The following PRSS23 variants were observed in gnomAD, a reference collection of about 807,000 sequenced individuals.
PRSS23 encodes protease, serine 23.
In PRSS23, 25 loss-of-function variants were observed where a neutral mutation model predicts 34.7. That is an observed-to-expected ratio of 0.72 (90% confidence interval 0.53 to 1.01). The LOEUF (loss-of-function observed/expected upper bound fraction) is 1.01, where lower values mean the gene tolerates loss of function less well. Among genes scored for constraint, PRSS23 ranks in the 50% least tolerant of loss-of-function variants. The pLI is 0.00. For missense variants in PRSS23, 445 were observed against 475.6 expected, an observed-to-expected ratio of 0.94 and a Z score of 0.60; for synonymous variants, 176 against 186.6, an observed-to-expected ratio of 0.94 and a Z score of 0.46.
chr11:86,940,025 T>C (rs1949196667), intron 2 of PRSS23, among the ~76,000 whole-genome samples: 1 of 152,166 alleles, frequency 6.6e-6, no homozygotes, highest in Non-Finnish European at 1.5e-5. Context: ...AAACCTTTAC[T>C]ATGAAATTTG....
chr11:86,857,661 C>T lies in PRSS23; in HGVS notation c.206+34068C>T, dbSNP rs552474611. On this transcript the variant is annotated intron_variant, in intron 2 of 2. Coordinates refer to the PRSS23 transcript ENST00000533902. ...AGATGGCCACAAATCGGTCATAGGC[C>T]ATCAGAGTCAGGAGCATGTCTTCTA... 4 of 540,408 alleles carry T rather than the reference C, an allele frequency of 7.4e-6. No individual in the cohort carries two copies. The East Asian group carries it at 2.2e-4, about 29-fold the overall frequency. The allele number at this position is 540,408 out of a possible 1,614,324, so 33.5% of individuals were successfully genotyped here. A position where few individuals can be genotyped will look rare whatever the true frequency, so the allele number is the denominator to read the frequency against.
chr11:86,912,283 A>G (rs1948983264), intron 2 of PRSS23: 2 of 152,178 alleles, frequency 1.3e-5, no homozygotes, highest in African/African-American at 4.8e-5. Context: ...CCTATTGGAG[A>G]TTCATTAAAC....
intron 2 of PRSS23, among the ~76,000 whole-genome samples, chr11:86,843,640 A>G (rs1590890288): frequency 6.6e-6 from 1 of 152,284 alleles, no homozygotes; most frequent in Non-Finnish European, 1.5e-5. Flanking sequence ...GAAGACATTT[A>G]TGCAGCCAAC....
chr11:86,835,582 A>T (rs951503269), intron 2 of PRSS23, among the ~76,000 whole-genome samples: 1 of 152,158 alleles, frequency 6.6e-6, no homozygotes, highest in Non-Finnish European at 1.5e-5. Flanking sequence ...TGGTCTGGCT[A>T]TTTCGTCTTA....
At chr11:86,898,413 A>T (rs1948890712) in intron 2 of PRSS23, among the ~76,000 whole-genome samples, 1 of 152,200 alleles carries the variant, frequency 6.6e-6, no homozygotes, top group African/African-American at 2.4e-5. Flanking sequence ...AAGGATGCTA[A>T]ATATTAATGT....
At chr11:86,846,511 ATGG>A (rs1197200887) in intron 2 of PRSS23, among the ~76,000 whole-genome samples, 2 of 152,170 alleles carry the variant, frequency 1.3e-5, no homozygotes, top group East Asian at 3.9e-4. Context: ...TTTGCTTTCC[ATGG>A]TGGTTCTGAA....
intron 2 of PRSS23, among the ~76,000 whole-genome samples, chr11:86,829,100 G>T (rs1478323168): frequency 2.6e-5 from 4 of 152,194 alleles, no homozygotes; most frequent in Non-Finnish European, 5.9e-5. Context: ...TTCCAACTTG[G>T]TTCCATTCTC....
chr11:86,867,417 A>G (rs1055344626), intron 2 of PRSS23, among the ~76,000 whole-genome samples: 2 of 152,222 alleles, frequency 1.3e-5, no homozygotes, highest in African/African-American at 4.8e-5. Flanking sequence ...GTGTCTTAAG[A>G]ACAGAGTGTC....
At position 86,807,630 on chromosome 11, in the gene PRSS23, G is replaced by C; in HGVS notation, c.-13-1G>C. On this transcript the variant is annotated splice_acceptor_variant, in intron 1 of 1. Transcript: ENST00000280258. LOFTEE classifies it low-confidence loss of function (5UTR_SPLICE). ...TGACCTGCTTGTCTTTGTTTCTACAGAACAGTGCTCGGCATGGCAGGGATT... is the reference window on the plus strand; with the variant it reads ...TGACCTGCTTGTCTTTGTTTCTACACAACAGTGCTCGGCATGGCAGGGATT... 2 of 1,596,792 alleles carry C rather than the reference G, an allele frequency of 1.3e-6. No homozygotes were observed. The highest frequency in any genetic ancestry group is 1.1e-5 in the South Asian group (1 of 88,546).
chr11:86,877,860 A>AAT (rs1484578679), intron 2 of PRSS23, among the ~76,000 whole-genome samples: 1 of 150,606 alleles, frequency 6.6e-6, no homozygotes, highest in Non-Finnish European at 1.5e-5. Flanking sequence ...ATTTCTGCAA[A>AAT]AAAAAAAAAG....
chr11:86,939,192 G>A (rs1949184511), intron 2 of PRSS23: 1 of 317,022 alleles, frequency 3.2e-6, no homozygotes, highest in Non-Finnish European at 6.2e-6. Context: ...CTTAAGAAGT[G>A]CTTGTAAGGA....
intron 2 of PRSS23, among the ~76,000 whole-genome samples, chr11:86,847,286 G>A (rs997828640): frequency 6.6e-6 from 1 of 152,160 alleles, no homozygotes; most frequent in East Asian, 1.9e-4. Flanking sequence ...CATAAAGTGG[G>A]CCTTAGCATT....
chr11:86,861,590 T>A (rs1948615623), intron 2 of PRSS23, among the ~76,000 whole-genome samples: 1 of 151,770 alleles, frequency 6.6e-6, no homozygotes, highest in African/African-American at 2.4e-5. Flanking sequence ...CACCCTTCTG[T>A]GATATTGTTC....
chr11:86,847,173 A>G lies in PRSS23; in HGVS notation c.206+23580A>G, dbSNP rs193070232. On this transcript the variant is annotated intron_variant, in intron 2 of 2. Transcript: ENST00000533902. ...GCTAAAGTACAGCAGCTGTTCTCTC[A>G]GCCCTGGTCTGGAGGACATCCACCA... Among the ~76,000 whole-genome samples, 90 of 152,344 alleles carry G rather than the reference A, an allele frequency of 5.9e-4. 1 individual carries two copies. In the East Asian group the frequency reaches 8.7e-3, roughly 15 times the overall value.
In PRSS23 at chr11:86,823,433, G is replaced by GC. The variant is rs1948268897; in HGVS notation, c.51dup (p.Thr18HisfsTer20). The GC allele has an allele frequency of 2.8e-6, 2 of 702,210 alleles. No homozygotes were observed. The highest frequency in any genetic ancestry group is 5.2e-6 in the Non-Finnish European group (2 of 384,838). The allele number at this position is 702,210 out of a possible 1,614,324, so 43.5% of individuals were successfully genotyped here. ...GTGCCAACCCTGGCCTAGTCCTCAT[G>GC]CCCCCACAACTGTGAAGCGAGAGGG... On this transcript the variant is annotated frameshift_variant, in exon 2 of 3. Coordinates refer to the PRSS23 transcript ENST00000533902. LOFTEE classifies it high-confidence loss of function.
At chr11:86,799,745 G>A (rs1948007310), upstream of PRSS23, among the ~76,000 whole-genome samples, 1 of 151,726 alleles carries the variant, frequency 6.6e-6, no homozygotes, top group African/African-American at 2.4e-5. Context: ...GAGTGATTCA[G>A]GGAAGTAGGC....
At chr11:86,868,782 C>A (rs1039345912) in intron 2 of PRSS23, among the ~76,000 whole-genome samples, 2 of 152,166 alleles carry the variant, frequency 1.3e-5, no homozygotes, top group African/African-American at 2.4e-5. Context: ...TGAAATCTTT[C>A]TCTGTCACTT....
chr11:86,877,465 C>T (rs1429437132), intron 2 of PRSS23, among the ~76,000 whole-genome samples: 4 of 152,134 alleles, frequency 2.6e-5, no homozygotes, highest in Non-Finnish European at 5.9e-5. Context: ...TTTTTATTAA[C>T]ATATTTTTAT....
chr11:86,880,521 A>T (rs1423476771), intron 2 of PRSS23, among the ~76,000 whole-genome samples: 1 of 152,194 alleles, frequency 6.6e-6, no homozygotes, highest in Non-Finnish European at 1.5e-5. Flanking sequence ...TCCTGGATAT[A>T]TGTGCAGAAT....
Sources: allele counts gnomAD v4.1 joint callset (sites outside exome capture counted in the v4.1 genomes callset), GRCh38; gene constraint gnomAD v4.1.1; transcripts MANE v1.5; gene names NCBI Gene and HGNC (gene_info 2026-07-23, HGNC 2026-07-21).